The following CDYL2 variants were observed in gnomAD, a reference collection of about 807,000 sequenced individuals.
The protein encoded by CDYL2 is chromodomain Y like 2, also known as chromodomain Y-like protein 2.
CDYL2 carries 23 observed loss-of-function variants against 49.4 expected under a neutral mutation model. The ratio of observed to expected loss-of-function variants is 0.47; its 90% CI spans 0.34 to 0.66. CDYL2 has a LOEUF of 0.66. Ranked by LOEUF, CDYL2 falls within the 30% of genes least tolerant of loss-of-function variation. The probability of loss-of-function intolerance (pLI) is 0.01; values close to 1 mark genes in which losing one functional copy is unlikely to be tolerated. For synonymous variants in CDYL2, 360 were observed against 268.8 expected, an observed-to-expected ratio of 1.34 and a Z score of -3.32; for missense variants, 678 against 656.4, an observed-to-expected ratio of 1.03 and a Z score of -0.36.
chr16:80,705,272 C>T (rs1358385902), intron 1 of CDYL2, among the ~76,000 whole-genome samples: 1 of 152,216 alleles, frequency 6.6e-6, no homozygotes, highest in East Asian at 1.9e-4. Context: ...TAAGACCGTC[C>T]CTCAGGGTCA....
chr16:80,803,842 C>G (rs1420958397), intron 1 of CDYL2, among the ~76,000 whole-genome samples: 1 of 146,768 alleles, frequency 6.8e-6, no homozygotes, highest in Non-Finnish European at 1.5e-5. Context: ...GCTACCTCCC[C>G]CGCCCCGGCT....
intron 1 of CDYL2, among the ~76,000 whole-genome samples, chr16:80,714,273 A>G (rs113101546): frequency 9.2e-5 from 14 of 152,198 alleles, no homozygotes; most frequent in African/African-American, 3.1e-4. Context: ...GATACTTTTT[A>G]GGTTCTTACT....
chr16:80,704,560 C>T (rs896445934), intron 1 of CDYL2, among the ~76,000 whole-genome samples: 30 of 152,296 alleles, frequency 2.0e-4, no homozygotes, highest in East Asian at 9.7e-4. Flanking sequence ...AAAGGAAAGA[C>T]GTTCACCACC....
chr16:80,605,370 A>G (rs920275481), intron 6 of CDYL2, among the ~76,000 whole-genome samples: 1 of 148,292 alleles, frequency 6.7e-6, no homozygotes, highest in Admixed American at 6.8e-5. Context: ...ATGTATATGT[A>G]TAATATATAA....
intron 1 of CDYL2, among the ~76,000 whole-genome samples, chr16:80,782,419 T>G (rs1907298440): frequency 1.3e-5 from 2 of 151,216 alleles, no homozygotes; most frequent in Middle Eastern, 3.4e-3. Flanking sequence ...ATATAAAGAA[T>G]TAGCACCAAT....
intron 3 of CDYL2, among the ~76,000 whole-genome samples, chr16:80,629,457 G>A (rs535364658): frequency 6.6e-6 from 1 of 152,234 alleles, no homozygotes; most frequent in Non-Finnish European, 1.5e-5. Flanking sequence ...ACTCCTGCAT[G>A]TCTGCTGTGT....
At chr16:80,722,899 G>A (rs1255948066) in intron 1 of CDYL2, among the ~76,000 whole-genome samples, 2 of 152,190 alleles carry the variant, frequency 1.3e-5, no homozygotes, top group Non-Finnish European at 2.9e-5. Flanking sequence ...AATTATTCTT[G>A]GCTGGAGGAT....
chr16:80,645,341 T>C (rs1369211683), intron 2 of CDYL2, among the ~76,000 whole-genome samples: 1 of 151,654 alleles, frequency 6.6e-6, no homozygotes, highest in Non-Finnish European at 1.5e-5. Flanking sequence ...AACACACACT[T>C]CTCAAAAGAA....
At chr16:80,605,388 TA>T (rs1567536266) in intron 6 of CDYL2, among the ~76,000 whole-genome samples, 2 of 148,274 alleles carry the variant, frequency 1.3e-5, no homozygotes, top group African/African-American at 4.9e-5. Context: ...TAATTATGTA[TA>T]TGTATTATAT....
chr16:80,671,708 C>T (rs1077885), intron 2 of CDYL2, among the ~76,000 whole-genome samples: 77,719 of 152,028 alleles, frequency 0.51, 21,656 homozygotes, highest in Middle Eastern at 0.71. Context: ...TAAACGATAC[C>T]GAGGCTCCTC....
chr16:80,729,820 T>C (rs1191594006), intron 1 of CDYL2, among the ~76,000 whole-genome samples: 2 of 152,150 alleles, frequency 1.3e-5, no homozygotes, highest in African/African-American at 4.8e-5. Flanking sequence ...CTCAACTACA[T>C]GGAAACTGAA....
At chr16:80,664,619 C>T (rs1477442030) in intron 2 of CDYL2, among the ~76,000 whole-genome samples, 3 of 152,132 alleles carry the variant, frequency 2.0e-5, no homozygotes, top group South Asian at 2.1e-4. Context: ...GATCTCAAAA[C>T]GCTAAAAATT....
intron 4 of CDYL2, among the ~76,000 whole-genome samples, chr16:80,620,199 A>C (rs1409367863): frequency 6.6e-6 from 1 of 152,188 alleles, no homozygotes; most frequent in African/African-American, 2.4e-5. Context: ...CCAAAAGGGT[A>C]CTCATTGTTG....
intron 1 of CDYL2, among the ~76,000 whole-genome samples, chr16:80,781,931 C>T (rs1215730992): frequency 6.6e-6 from 1 of 151,214 alleles, no homozygotes; most frequent in Non-Finnish European, 1.5e-5. Context: ...CAGGTGTAAA[C>T]ACCTACATTA....
chr16:80,621,034 T>TAGAGGCC, intron 3 of CDYL2, 99 bp from the exon 4 acceptor site: 2 of 1,328,098 alleles, frequency 1.5e-6, no homozygotes, highest in Non-Finnish European at 2.0e-6. Context: ...CCCCTGAGGG[T>TAGAGGCC]AGAGGCCAGG....
intron 1 of CDYL2, among the ~76,000 whole-genome samples, chr16:80,801,847 C>A (rs1332861983): frequency 1.3e-5 from 2 of 152,068 alleles, no homozygotes; most frequent in African/African-American, 4.8e-5. Flanking sequence ...TAAATTTGAA[C>A]AATAAATTAA....
chr16:80,688,698 C>T (rs566514164), intron 1 of CDYL2, among the ~76,000 whole-genome samples: 1 of 152,182 alleles, frequency 6.6e-6, no homozygotes, highest in Admixed American at 6.5e-5. Flanking sequence ...ATCTTCTATA[C>T]ATCTTTGTGT....
At chr16:80,788,204 T>A (rs1049006866) in intron 1 of CDYL2, among the ~76,000 whole-genome samples, 1 of 152,218 alleles carries the variant, frequency 6.6e-6, no homozygotes, top group Admixed American at 6.5e-5. Context: ...GTCTTCTCAC[T>A]GCTAAAGTTG....
At chr16:80,713,311 G>T (rs1292968533) in intron 1 of CDYL2, among the ~76,000 whole-genome samples, 1 of 152,222 alleles carries the variant, frequency 6.6e-6, no homozygotes, top group Non-Finnish European at 1.5e-5. Context: ...AGTGCATTGT[G>T]GGAGAAGTCT....
Sources: allele counts gnomAD v4.1 joint callset (sites outside exome capture counted in the v4.1 genomes callset), GRCh38; gene constraint gnomAD v4.1.1; transcripts MANE v1.5; gene names NCBI Gene and HGNC (gene_info 2026-07-23, HGNC 2026-07-21).